The following FUT9 variants were observed in gnomAD, a reference collection of about 807,000 sequenced individuals.
FUT9 encodes the protein fucosyltransferase 9.
Under a neutral mutation model 29.7 loss-of-function variants are expected in FUT9, and 15 were observed. That is an observed-to-expected ratio of 0.51 (90% CI 0.34 to 0.78). The LOEUF (loss-of-function observed/expected upper bound fraction) is 0.78. Ranked by LOEUF, FUT9 falls within the 30% of genes least tolerant of loss-of-function variation. The pLI, the probability that FUT9 is intolerant of heterozygous loss-of-function variation, is 0.01. For missense variants in FUT9, 319 were observed against 425.4 expected (o/e 0.75, Z 2.20); for synonymous variants, 169 against 153.7 (o/e 1.10, Z -0.74).
intron 1 of FUT9, among the ~76,000 whole-genome samples, chr6:96,071,271 G>GT (rs1771053393): frequency 6.6e-6 from 1 of 152,192 alleles, no homozygotes; most frequent in Non-Finnish European, 1.5e-5. Flanking sequence ...AACAGCTCCT[G>GT]TAAGTGAGGA....
At chr6:96,166,849 CT>C (rs1193387233) in intron 2 of FUT9, among the ~76,000 whole-genome samples, 2 of 152,084 alleles carry the variant, frequency 1.3e-5, no homozygotes, top group Non-Finnish European at 2.9e-5. Context: ...TTTAAATCAT[CT>C]TTAGATTACT....
At chr6:96,194,153 G>T (rs1773576153) in intron 2 of FUT9, among the ~76,000 whole-genome samples, 1 of 152,132 alleles carries the variant, frequency 6.6e-6, no homozygotes, top group South Asian at 2.1e-4. Flanking sequence ...GTGTACATAG[G>T]TAACAAACCT....
intron 2 of FUT9, among the ~76,000 whole-genome samples, chr6:96,168,907 GCT>G (rs1175791130): frequency 1.3e-5 from 2 of 152,138 alleles, no homozygotes; most frequent in Non-Finnish European, 2.9e-5. Flanking sequence ...CAAGGAATTG[GCT>G]CTCATAGGAA....
rs2127993587 is a variant in FUT9, at chr6:96,210,854, C to T, written c.*6619C>T. The T allele has an allele frequency of 6.0e-6, 1 of 166,884 alleles. No homozygotes were observed. Among genetic ancestry groups the T allele is most frequent in the South Asian group, 2.1e-4 (1 of 4,828 alleles). The allele number at this position is 166,884 out of a possible 1,614,324, so 10.3% of individuals were successfully genotyped here. A position where few individuals can be genotyped will look rare whatever the true frequency, so the allele number is the denominator to read the frequency against. ...ATTTAGAATTGAATCCAAGGTCTGC[C>T]ATTCACTAGCTATGTGCAAGTTACT... On this transcript the variant is annotated 3_prime_UTR_variant, in exon 3 of 3. Transcript: ENST00000302103.
intron 1 of FUT9, among the ~76,000 whole-genome samples, chr6:96,021,958 G>A (rs999824552): frequency 6.6e-6 from 1 of 151,980 alleles, no homozygotes; most frequent in African/African-American, 2.4e-5. Flanking sequence ...AAAAAAATAA[G>A]GTCTTCAATT....
At chr6:96,197,725 C>T (rs1773651934) in intron 2 of FUT9, among the ~76,000 whole-genome samples, 2 of 152,100 alleles carry the variant, frequency 1.3e-5, no homozygotes, top group Non-Finnish European at 2.9e-5. Flanking sequence ...TCTTCCAACC[C>T]CAACATCCTG....
At chr6:96,181,736 G>A (rs1773313132) in intron 2 of FUT9, among the ~76,000 whole-genome samples, 2 of 151,936 alleles carry the variant, frequency 1.3e-5, no homozygotes, top group Admixed American at 1.3e-4. Context: ...ATCTCATCTA[G>A]GTTTCTGCGG....
At chr6:96,193,443 G>C (rs369051773) in intron 2 of FUT9, among the ~76,000 whole-genome samples, 27 of 142,576 alleles carry the variant, frequency 1.9e-4, no homozygotes, top group African/African-American at 2.5e-4. Context: ...CCAAAAAACA[G>C]ATGAAAAAAT....
At chr6:96,194,141 A>G (rs935361936) in intron 2 of FUT9, among the ~76,000 whole-genome samples, 2 of 152,200 alleles carry the variant, frequency 1.3e-5, no homozygotes, top group Non-Finnish European at 2.9e-5. Flanking sequence ...AACATGGCAC[A>G]TGTGTACATA....
At chr6:96,138,653 G>A (rs574365950) in intron 2 of FUT9, among the ~76,000 whole-genome samples, 14 of 152,272 alleles carry the variant, frequency 9.2e-5, no homozygotes, top group Middle Eastern at 3.4e-3. Context: ...CAGCAACTTC[G>A]AAGCTGGGCA....
At chr6:96,200,188 G>C (rs1773703466) in intron 2 of FUT9, among the ~76,000 whole-genome samples, 1 of 152,082 alleles carries the variant, frequency 6.6e-6, no homozygotes, top group African/African-American at 2.4e-5. Context: ...TCAGATCAGT[G>C]TTTGACACTA....
In FUT9 at chr6:96,204,806, A is replaced by G; in HGVS notation, c.*571A>G. The G allele has an allele frequency of 6.0e-6, 1 of 166,808 alleles. No homozygotes were observed. The allele number at this position is 166,808 out of a possible 1,614,324, so 10.3% of individuals were successfully genotyped here. On this transcript the variant is annotated 3_prime_UTR_variant, in exon 3 of 3. Coordinates refer to ENST00000302103, the MANE Select transcript of FUT9 (RefSeq NM_006581.4). The stretch of plus-strand genomic sequence containing the variant: ...ATTATTCATGGAGTGAATAAGAAAG[A>G]TATGAAGCAGAACTGTTCTATTCGG...
intron 1 of FUT9, among the ~76,000 whole-genome samples, chr6:96,083,392 T>C (rs1771268914): frequency 6.6e-6 from 1 of 152,142 alleles, no homozygotes; most frequent in Non-Finnish European, 1.5e-5. Context: ...AAGTAGCAGA[T>C]AATATTAAAA....
At chr6:96,088,227 C>T (rs977936682) in intron 1 of FUT9, among the ~76,000 whole-genome samples, 7 of 151,722 alleles carry the variant, frequency 4.6e-5, no homozygotes, top group Admixed American at 1.3e-4. Context: ...TACCCTAGAA[C>T]TTAAAGTATA....
In FUT9 at chr6:96,207,219, T is replaced by TGA; in HGVS notation, c.*2984_*2985insGA. On this transcript the variant is annotated 3_prime_UTR_variant, in exon 3 of 3. Transcript: ENST00000302103. Reference sequence around the variant, plus strand: ...AGAGATATTTATTCAAGACACACATTCACACACACATACACACACACACAC... The same window carrying TGA: ...AGAGATATTTATTCAAGACACACATTGACACACACACATACACACACACACAC... The TGA allele has an allele frequency of 1.2e-5, 2 of 165,462 alleles. No homozygotes were observed. The highest frequency in any genetic ancestry group is 2.9e-5 in the Non-Finnish European group (2 of 67,878). The allele number at this position is 165,462 out of a possible 1,614,324, so 10.2% of individuals were successfully genotyped here.
intron 2 of FUT9, among the ~76,000 whole-genome samples, chr6:96,132,395 A>G (rs1772262789): frequency 6.6e-6 from 1 of 152,128 alleles, no homozygotes; most frequent in Non-Finnish European, 1.5e-5. Context: ...AGTAGAACGC[A>G]TCCTCTCTGG....
chr6:96,213,641 G>A lies in FUT9; in HGVS notation c.*9406G>A, dbSNP rs1032285779. The stretch of plus-strand genomic sequence containing the variant: ...ATTAACTTTCTGTGTATGTATTATT[G>A]CGATGCAGACCCAATAGGGTTATTT... On this transcript the variant is annotated 3_prime_UTR_variant, in exon 3 of 3. Transcript: ENST00000302103. The A allele has an allele frequency of 6.0e-6, 1 of 166,494 alleles. No homozygotes were observed. The highest frequency in any genetic ancestry group is 1.5e-5 in the Non-Finnish European group (1 of 67,948). 10.3% of individuals were successfully genotyped at this position (166,494 alleles called of 1,614,324 possible).
chr6:96,026,604 A>G (rs917607084), intron 1 of FUT9, among the ~76,000 whole-genome samples: 1 of 151,656 alleles, frequency 6.6e-6, no homozygotes, highest in African/African-American at 2.4e-5. Flanking sequence ...TATTTCTCCA[A>G]TGCTTTATAG....
intron 1 of FUT9, among the ~76,000 whole-genome samples, chr6:96,017,552 C>A (rs72924123): frequency 7.9e-5 from 12 of 151,836 alleles, no homozygotes; most frequent in African/African-American, 2.9e-4. Context: ...AACAAAACTA[C>A]CCCACAAAAT....
Sources: allele counts gnomAD v4.1 joint callset (sites outside exome capture counted in the v4.1 genomes callset), GRCh38; gene constraint gnomAD v4.1.1; transcripts MANE v1.5; gene names NCBI Gene and HGNC (gene_info 2026-07-23, HGNC 2026-07-21).